Variants in SEC14L5 observed in about 807,000 individuals in gnomAD.
The protein encoded by SEC14L5 is SEC14-like protein 5.
A neutral mutation model predicts 84.6 loss-of-function variants in SEC14L5; 96 were observed. The observed-to-expected ratio is 1.13, with a 90% CI of 0.96 to 1.34. The LOEUF is 1.34. SEC14L5 is among the 40% of genes most tolerant of loss of function. The pLI is 0.00. For missense variants in SEC14L5, 1,224 were observed against 942.5 expected, an observed-to-expected ratio of 1.30 and a Z score of -3.91; for synonymous variants, 546 against 383.4, an observed-to-expected ratio of 1.42 and a Z score of -4.95.
intron 2 of SEC14L5, among the ~76,000 whole-genome samples, chr16:4,977,595 T>C (rs1327190619): frequency 2.0e-5 from 3 of 151,972 alleles, no homozygotes; most frequent in African/African-American, 7.2e-5. Flanking sequence ...AGCTCATGTA[T>C]ATGTAAATCA....
intron 3 of SEC14L5, 46 bp downstream of exon 3, chr16:4,987,752 G>T: frequency 7.2e-7 from 1 of 1,386,398 alleles, no homozygotes; most frequent in Non-Finnish European, 9.4e-7. Flanking sequence ...ACCTGTTGCG[G>T]AGGTGCGGGA....
In SEC14L5 at chr16:4,965,174, T is replaced by G. The variant is rs79816382; in HGVS notation, c.63+5788T>G. Among the ~76,000 whole-genome samples the G allele has an allele frequency of 4.3e-3, 662 of 152,328 alleles. 5 individuals carry two copies. The highest frequency in any genetic ancestry group is 0.015 in the African/African-American group (630 of 41,578). The stretch of plus-strand genomic sequence containing the variant: ...AATATTTTTAAGGTTCATCCACATC[T>G]TAGCATGTATAGATTCTGCCTTGTT... On this transcript the variant is annotated intron_variant, in intron 2 of 15. Coordinates refer to ENST00000251170, the MANE Select transcript of SEC14L5 (RefSeq NM_014692.2).
At chr16:4,995,561 T>C (rs1955599677) in intron 6 of SEC14L5, among the ~76,000 whole-genome samples, 2 of 151,846 alleles carry the variant, frequency 1.3e-5, no homozygotes, top group African/African-American at 4.8e-5. Flanking sequence ...GTGCACAACA[T>C]GCATTTACTC....
intron 8 of SEC14L5, among the ~76,000 whole-genome samples, chr16:4,999,007 T>C (rs1379842496): frequency 6.6e-6 from 1 of 152,200 alleles, no homozygotes; most frequent in Non-Finnish European, 1.5e-5. Context: ...TCTGCTGAAG[T>C]TGAATGACGC....
At chr16:5,014,235 G>A (rs961268555) in intron 15 of SEC14L5, among the ~76,000 whole-genome samples, 6 of 152,218 alleles carry the variant, frequency 3.9e-5, no homozygotes, top group Non-Finnish European at 8.8e-5. Context: ...CTGTGCAGGT[G>A]TACAGCACGT....
chr16:4,999,022 C>T (rs150794794), intron 8 of SEC14L5, among the ~76,000 whole-genome samples: 12 of 152,296 alleles, frequency 7.9e-5, no homozygotes, highest in Non-Finnish European at 1.5e-4. Context: ...TGACGCGGCT[C>T]CTGCCTTTTT....
chr16:4,959,716 T>A (rs1265436723), intron 2 of SEC14L5, among the ~76,000 whole-genome samples: 1 of 152,158 alleles, frequency 6.6e-6, no homozygotes, highest in South Asian at 2.1e-4. Flanking sequence ...CAGTGATAAA[T>A]GGAATGGTGG....
At position 5,007,723 on chromosome 16, in the gene SEC14L5, A is replaced by C. The variant is rs1247101323; in HGVS notation, c.1572+237A>C. Among the ~76,000 whole-genome samples, 3 of 149,048 alleles carry C rather than the reference A, an allele frequency of 2.0e-5. No homozygotes were observed. In the East Asian group the frequency reaches 6.0e-4, roughly 30 times the overall value. ...CAGGTTCAAGCAATTCTCATGCCTC[A>C]GCCTCCCGAGTAGCTGGGATTATAG... On this transcript the variant is annotated intron_variant, in intron 13 of 15. Transcript: ENST00000251170.
In SEC14L5 at chr16:5,011,256, C is replaced by A. The variant is rs749266094; in HGVS notation, c.1962C>A (p.Leu654=). 4.3e-6 allele frequency: 7 copies of A among 1,613,708 alleles called. No individual in the cohort carries two copies. Among genetic ancestry groups the A allele is most frequent in the African/African-American group, 1.3e-5 (1 of 75,026 alleles). ...AACTTCTCTACTACTGTGAGGTGCTCGCCTCTGAGGACTTCAGGTAGGAGG... is the reference window on the plus strand; with the variant it reads ...AACTTCTCTACTACTGTGAGGTGCTAGCCTCTGAGGACTTCAGGTAGGAGG... ...KCKLLYYCEV[L]ASEDFRGSMS... is the part of the protein sequence containing the mutation. Residue 654 remains leucine (L), a synonymous_variant, in exon 15 of 16, where the codon CTC becomes CTA. Transcript: ENST00000251170.
intron 11 of SEC14L5, among the ~76,000 whole-genome samples, chr16:5,005,705 CA>C (rs376297660): frequency 6.8e-6 from 1 of 148,048 alleles, no homozygotes; most frequent in Admixed American, 6.7e-5. Flanking sequence ...ACTAAAAATA[CA>C]AAAAAAAATT....
rs1230758620 is a variant in SEC14L5, at chr16:4,995,622, CTCTT to C, written c.668-724_668-721del. Among the ~76,000 whole-genome samples the C allele has an allele frequency of 8.8e-3, 1,243 of 141,678 alleles. 6 individuals are homozygous for C. Among genetic ancestry groups the C allele is most frequent in the Non-Finnish European group, 0.013 (815 of 65,084 alleles). The allele number at this position is 141,678 out of a possible 152,430, so 92.9% of individuals were successfully genotyped here. ...CCTCAGTTTTATCTTCTCTCTCTCT[CTCTT>C]TTTTTTTTTTTTTTTTTTAAGACGG... On this transcript the variant is annotated intron_variant, in intron 6 of 15. Coordinates refer to ENST00000251170, the MANE Select transcript of SEC14L5 (RefSeq NM_014692.2).
intron 2 of SEC14L5, among the ~76,000 whole-genome samples, chr16:4,977,120 A>T (rs1200218732): frequency 6.6e-6 from 1 of 152,216 alleles, no homozygotes; most frequent in Non-Finnish European, 1.5e-5. Flanking sequence ...TAACAAGGAA[A>T]GAAAATAAAT....
At chr16:4,991,778 C>A in intron 5 of SEC14L5, 60 bp from the exon 6 acceptor site, 1 of 1,249,592 alleles carries the variant, frequency 8.0e-7, no homozygotes, top group South Asian at 1.5e-5. Context: ...CTGTGGTGAT[C>A]CTGTGACCCC....
intron 14 of SEC14L5, 123 bp downstream of exon 14, chr16:5,008,771 G>T (rs1955765830): frequency 8.8e-6 from 7 of 796,374 alleles, no homozygotes; most frequent in Non-Finnish European, 1.2e-5. Flanking sequence ...CAGGGACCCT[G>T]CAGGACAGGG....
At chr16:5,013,645 G>A (rs758425253) in intron 15 of SEC14L5, among the ~76,000 whole-genome samples, 2 of 130,916 alleles carry the variant, frequency 1.5e-5, no homozygotes, top group African/African-American at 2.9e-5. Context: ...TGCAACCTCC[G>A]CCTCCTGGGT....
At chr16:5,012,280 G>A (rs1955814841) in intron 15 of SEC14L5, among the ~76,000 whole-genome samples, 1 of 152,200 alleles carries the variant, frequency 6.6e-6, no homozygotes, top group African/African-American at 2.4e-5. Context: ...GCATTGGAAG[G>A]TTGTCTCTGG....
intron 8 of SEC14L5, among the ~76,000 whole-genome samples, chr16:4,999,553 C>T (rs1955652744): frequency 6.6e-6 from 1 of 151,024 alleles, no homozygotes; most frequent in South Asian, 2.1e-4. Flanking sequence ...TGGGGAGGTT[C>T]AGGCTGCAGT....
rs765351593 is a variant in SEC14L5, at chr16:4,988,137, C to T, written c.214-12C>T. 2.0e-5 allele frequency: 33 copies of T among 1,613,524 alleles called. No homozygotes were observed. Among genetic ancestry groups the T allele is most frequent in the African/African-American group, 2.7e-5 (2 of 74,910 alleles). Reference sequence around the variant, plus strand: ...CCCACCCACCTCCGCCTCCCCGCCCCTTCCCTTGCAGATCGCAGGTGTTGA... The same window carrying T: ...CCCACCCACCTCCGCCTCCCCGCCCTTTCCCTTGCAGATCGCAGGTGTTGA... On this transcript the variant is annotated splice_polypyrimidine_tract_variant and intron_variant, in intron 3 of 15. Coordinates refer to ENST00000251170, the MANE Select transcript of SEC14L5 (RefSeq NM_014692.2).
intron 4 of SEC14L5, among the ~76,000 whole-genome samples, chr16:4,988,968 G>A (rs567747733): frequency 8.5e-5 from 13 of 152,378 alleles, no homozygotes; most frequent in Non-Finnish European, 1.9e-4. Context: ...ATGTGTGGGA[G>A]TCAGAGAAGG....
Sources: allele counts gnomAD v4.1 joint callset (sites outside exome capture counted in the v4.1 genomes callset), GRCh38; gene constraint gnomAD v4.1.1; transcripts MANE v1.5; gene names NCBI Gene and HGNC (gene_info 2026-07-23, HGNC 2026-07-21).